The following PFKFB3 variants were observed in gnomAD, a reference collection of about 807,000 sequenced individuals.
PFKFB3 encodes 6-phosphofructo-2-kinase/fructose-2,6-biphosphatase 3, also known as 6-phosphofructo-2-kinase/fructose-2,6-bisphosphatase 3.
PFKFB3 carries 33 observed loss-of-function variants against 68.0 expected under a neutral mutation model. That is an observed-to-expected ratio of 0.49 (90% confidence interval 0.37 to 0.65). The LOEUF is 0.65. PFKFB3 is among the 30% of genes least tolerant of loss of function. PFKFB3 has a pLI of 0.00. For missense variants in PFKFB3, 586 were observed against 712.2 expected (o/e 0.82, Z 2.02); for synonymous variants, 315 against 288.2 (o/e 1.09, Z -0.94).
chr10:6,232,553 G>A (rs554077777), intron 14 of PFKFB3, among the ~76,000 whole-genome samples: 40 of 152,276 alleles, frequency 2.6e-4, no homozygotes, highest in African/African-American at 9.1e-4. Flanking sequence ...GTGGTTTGTG[G>A]GATTTCTATG....
chr10:6,242,839 C>T (rs1170359356), intron 14 of PFKFB3, among the ~76,000 whole-genome samples: 2 of 152,216 alleles, frequency 1.3e-5, no homozygotes, highest in East Asian at 1.9e-4. Flanking sequence ...CCGCCCACCT[C>T]GGCCTCTCAA....
the PFKFB3 span, among the ~76,000 whole-genome samples, chr10:6,288,581 A>G: frequency 2.0e-5 from 3 of 151,162 alleles, no homozygotes; most frequent in Admixed American, 2.0e-4. Context: ...TATGTGCCAC[A>G]TTTTCTTAAT....
At chr10:6,284,531 T>C in the PFKFB3 span, among the ~76,000 whole-genome samples, 2 of 152,236 alleles carry the variant, frequency 1.3e-5, no homozygotes, top group African/African-American at 2.4e-5. Flanking sequence ...TAGCACATAA[T>C]ATTGATTAGT....
At chr10:6,156,141 G>A (rs1407895956) in intron 1 of PFKFB3, among the ~76,000 whole-genome samples, 2 of 151,640 alleles carry the variant, frequency 1.3e-5, no homozygotes, top group South Asian at 4.2e-4. Flanking sequence ...GTGTGTGTGT[G>A]TGTGTGTGTG....
chr10:6,223,434 C>G (rs1055222823), intron 11 of PFKFB3, among the ~76,000 whole-genome samples: 1 of 152,210 alleles, frequency 6.6e-6, no homozygotes, highest in Admixed American at 6.5e-5. Flanking sequence ...TTTCCCAACT[C>G]TAAGTCACCG....
At chr10:6,253,702 G>A (rs1846432797) in intron 14 of PFKFB3, among the ~76,000 whole-genome samples, 1 of 152,080 alleles carries the variant, frequency 6.6e-6, no homozygotes, top group Non-Finnish European at 1.5e-5. Context: ...GGATAGAGAG[G>A]GCAGTTTGGA....
chr10:6,166,823 T>TC (rs199974323), intron 1 of PFKFB3, among the ~76,000 whole-genome samples: 639 of 20,974 alleles, frequency 0.03, 2 homozygotes, highest in Non-Finnish European at 0.13. Context: ...TTCTTCTTCT[T>TC]TTTTTTTTTT....
chr10:6,259,526 C>G (rs964616162), downstream of PFKFB3, among the ~76,000 whole-genome samples: 1 of 92,254 alleles, frequency 1.1e-5, no homozygotes, highest in African/African-American at 3.1e-5. Flanking sequence ...ATCCATCCAC[C>G]CACCCATCCA....
intron 14 of PFKFB3, among the ~76,000 whole-genome samples, chr10:6,232,040 G>C (rs916627371): frequency 6.6e-6 from 1 of 152,374 alleles, no homozygotes; most frequent in African/African-American, 2.4e-5. Context: ...GTGGGCATGG[G>C]CCACGGTGGC....
chr10:6,263,992 A>G, the PFKFB3 span, among the ~76,000 whole-genome samples: 2 of 152,278 alleles, frequency 1.3e-5, no homozygotes, highest in South Asian at 2.1e-4. Flanking sequence ...AGCCACGGTT[A>G]TCTTCTCGAG....
rs913973020 is a variant in PFKFB3 at position 6,157,615 on chromosome 10, G to A, written c.16+12602G>A. On this transcript the variant is annotated intron_variant, in intron 1 of 14. Transcript: ENST00000379789. ...CAGCATGTGGTCCTCCAAGAATCTC[G>A]TCTGCTATTGTCACCCCATTTCCCG... Among the ~76,000 whole-genome samples, 11 of 152,126 alleles carry A rather than the reference G, an allele frequency of 7.2e-5. No homozygotes were observed. The South Asian group carries it at 1.9e-3, about 26-fold the overall frequency.
chr10:6,271,520 C>T, the PFKFB3 span, among the ~76,000 whole-genome samples: 11 of 152,302 alleles, frequency 7.2e-5, no homozygotes, highest in East Asian at 1.9e-4. Context: ...AAGCCACTTC[C>T]GGGCAGGTAG....
chr10:6,277,720 G>T, the PFKFB3 span: 1 of 404,488 alleles, frequency 2.5e-6, no homozygotes, highest in South Asian at 1.8e-5. Context: ...CCTAGAAGCT[G>T]AGCAGATGCC....
the PFKFB3 span, among the ~76,000 whole-genome samples, chr10:6,294,931 G>A: frequency 2.0e-5 from 3 of 148,864 alleles, no homozygotes; most frequent in East Asian, 2.0e-4. Context: ...ACCTAGGTTT[G>A]TGTATGATGT....
At chr10:6,216,670 A>C in intron 4 of PFKFB3, 36 bp from the exon 5 acceptor site, 1 of 1,400,152 alleles carries the variant, frequency 7.1e-7, no homozygotes, top group Non-Finnish European at 1.0e-6. Flanking sequence ...ACTCAAACTT[A>C]GAGTTTTCTT....
At chr10:6,146,260 C>T in intron 1 of PFKFB3, 1 of 1,462,740 alleles carries the variant, frequency 6.8e-7, no homozygotes, top group South Asian at 1.3e-5. Flanking sequence ...CGTGATGCTA[C>T]GGTTGCCTGG....
chr10:6,209,853 C>A (rs1844049209), intron 1 of PFKFB3, among the ~76,000 whole-genome samples: 1 of 150,756 alleles, frequency 6.6e-6, no homozygotes, highest in African/African-American at 2.4e-5. Flanking sequence ...CAAGCTGCGC[C>A]TCCCAGGTTC....
At position 6,229,290 on chromosome 10, in the gene PFKFB3, A is replaced by G; in HGVS notation, c.1515+2925A>G. ...GACCACCCTGGGAGGTCGGCAGGGC[A>G]GTCAGTCCCCCGTTTAATGGTTGAG... On this transcript the variant is annotated intron_variant, in intron 14 of 14. Coordinates refer to ENST00000379775, the MANE Select transcript of PFKFB3 (RefSeq NM_004566.4). This position sits in a 1 kb window ranked among gnomAD's most constrained non-coding sequence, Gnocchi z 4.3. 1 of 417,258 alleles carries G rather than the reference A, an allele frequency of 2.4e-6. No homozygotes were observed. The highest frequency in any genetic ancestry group is 2.6e-5 in the Admixed American group (1 of 38,996). The allele number at this position is 417,258 out of a possible 1,614,324, so 25.8% of individuals were successfully genotyped here. A position where few individuals can be genotyped will look rare whatever the true frequency, so the allele number is the denominator to read the frequency against.
chr10:6,262,468 A>AG, the PFKFB3 span, among the ~76,000 whole-genome samples: 367 of 146,994 alleles, frequency 2.5e-3, 19 homozygotes, highest in African/African-American at 8.7e-3. Flanking sequence ...AAAAAAAAAA[A>AG]AAAAAAAAAA....
Sources: allele counts gnomAD v4.1 joint callset (sites outside exome capture counted in the v4.1 genomes callset), GRCh38; gene constraint gnomAD v4.1.1; non-coding constraint Gnocchi (gnomAD v3.1); transcripts MANE v1.5; gene names NCBI Gene and HGNC (gene_info 2026-07-23, HGNC 2026-07-21).